ABR: variants seen among roughly 807,000 people sequenced by gnomAD.
ABR encodes active breakpoint cluster region-related protein.
Under a neutral mutation model 107.2 loss-of-function variants are expected in ABR, and 35 were observed. The observed-to-expected ratio is 0.33, with a 90% CI of 0.25 to 0.43. The LOEUF (loss-of-function observed/expected upper bound fraction) is 0.43, where lower values mean the gene tolerates loss of function less well. Ranked by LOEUF, ABR falls within the 20% of genes least tolerant of loss-of-function variation. ABR has a pLI of 1.00. For missense variants in ABR, 815 were observed against 1,115.2 expected (o/e 0.73, Z 3.83); for synonymous variants, 498 against 462.0 (o/e 1.08, Z -1.00).
chr17:1,049,730 G>A (rs914770086), intron 16 of ABR, among the ~76,000 whole-genome samples: 1 of 152,226 alleles, frequency 6.6e-6, no homozygotes, highest in Non-Finnish European at 1.5e-5. Context: ...CACCGACGCA[G>A]CCTCTGAGTC....
At chr17:1,129,406 C>T (rs2039730620) in intron 1 of ABR, among the ~76,000 whole-genome samples, 1 of 151,758 alleles carries the variant, frequency 6.6e-6, no homozygotes, top group Non-Finnish European at 1.5e-5. Flanking sequence ...GTGGTTGGCG[C>T]CTGTTGTCCC....
At chr17:1,167,104 C>T (rs10902642) in intron 1 of ABR, among the ~76,000 whole-genome samples, 54,598 of 151,892 alleles carry the variant, frequency 0.36, 11,981 homozygotes, top group Non-Finnish European at 0.49. Context: ...TGGGGGACCC[C>T]GTGATACCCC....
chr17:1,125,046 G>C (rs527515872), intron 2 of ABR, 137 bp downstream of exon 2: 13 of 851,538 alleles, frequency 1.5e-5, no homozygotes, highest in Non-Finnish European at 2.3e-5. Flanking sequence ...ACGAGATGAC[G>C]AGGCACCAAG....
At chr17:1,173,215 TCCACTCAACACATCACCTCAGC>T (rs2041800521) in intron 1 of ABR, among the ~76,000 whole-genome samples, 1 of 25,292 alleles carries the variant, frequency 4.0e-5, no homozygotes. Context: ...ATCACCTCAG[TCCACTCAACACATCACCTCAGC>T]CCACCCAACA....
chr17:1,011,218 T>C lies in ABR; in HGVS notation c.2102-355A>G, dbSNP rs2070509829. 2 of 272,872 alleles carry C rather than the reference T, an allele frequency of 7.3e-6. No homozygotes were observed. The highest frequency in any genetic ancestry group is 4.3e-5 in the South Asian group (1 of 23,024). The allele number at this position is 272,872 out of a possible 1,614,324, so 16.9% of individuals were successfully genotyped here. On this transcript the variant is annotated intron_variant, in intron 19 of 22. Transcript: ENST00000302538. This position sits in a 1 kb window ranked among gnomAD's most constrained non-coding sequence, Gnocchi z 4.8. Reference sequence around the variant, plus strand: ...CCCTCTCTGGAAGGCATTGCACACTTTTCACACGTAAAAGCATGTTCCGAC... The same window carrying C: ...CCCTCTCTGGAAGGCATTGCACACTCTTCACACGTAAAAGCATGTTCCGAC...
At chr17:1,110,903 G>A (rs184693882) in intron 2 of ABR, among the ~76,000 whole-genome samples, 12 of 152,290 alleles carry the variant, frequency 7.9e-5, no homozygotes, top group Admixed American at 1.3e-4. Context: ...TAGCCAGGGC[G>A]CATCTGAAGG....
intron 1 of ABR, among the ~76,000 whole-genome samples, chr17:1,131,247 G>C (rs1349751627): frequency 3.1e-5 from 2 of 64,106 alleles, no homozygotes; most frequent in East Asian, 1.2e-3. Flanking sequence ...CAAATGCAGT[G>C]CCTGCCACGC....
At chr17:1,069,919 G>A (rs2035087116) in intron 9 of ABR, 50 bp downstream of exon 9, 1 of 815,022 alleles carries the variant, frequency 1.2e-6, no homozygotes, top group African/African-American at 2.8e-5. Flanking sequence ...TCACCCCGCA[G>A]AGGTCCGGAC....
At chr17:1,009,641 G>A (rs1439608059) in intron 21 of ABR, 38 bp downstream of exon 21, 2 of 1,559,794 alleles carry the variant, frequency 1.3e-6, no homozygotes, top group East Asian at 2.2e-5. Context: ...TTCATGAGGA[G>A]GGACTGAGGA....
intron 1 of ABR, among the ~76,000 whole-genome samples, chr17:1,218,798 G>T (rs1194181682): frequency 6.6e-6 from 1 of 152,100 alleles, no homozygotes; most frequent in Non-Finnish European, 1.5e-5. Context: ...ACCAAGATGG[G>T]CCCCCAAGTC....
chr17:1,080,680 G>C (rs1021164044), intron 5 of ABR, among the ~76,000 whole-genome samples: 8 of 142,704 alleles, frequency 5.6e-5, no homozygotes, highest in African/African-American at 1.8e-4. Flanking sequence ...CAGACAGCAG[G>C]AACTTCCTAC....
Position 1,157,166 on chromosome 17 carries a change from T to C in ABR, c.61+22501A>G, listed in dbSNP as rs2041076106. On this transcript the variant is annotated intron_variant, in intron 1 of 22. Transcript: ENST00000302538. This position sits in a 1 kb window ranked among gnomAD's most constrained non-coding sequence, Gnocchi z 4.7. ...GGCCCAAGGTCACACAGCTGCTGAG[T>C]GGCAAAGCTTGGAACCCGGGCAGTC... 6.6e-6 allele frequency among the ~76,000 whole-genome samples: 1 copy of C among 151,652 alleles called. No homozygotes were observed. Among genetic ancestry groups the C allele is most frequent in the South Asian group, 2.1e-4 (1 of 4,808 alleles).
At chr17:1,095,098 C>G (rs1269421199) in intron 3 of ABR, among the ~76,000 whole-genome samples, 8 of 152,188 alleles carry the variant, frequency 5.3e-5, no homozygotes, top group African/African-American at 1.9e-4. Context: ...AATTCTTGTC[C>G]CCGCCTTGGC....
chr17:1,095,101 G>T (rs762715046), intron 3 of ABR, among the ~76,000 whole-genome samples: 1 of 152,174 alleles, frequency 6.6e-6, no homozygotes. Context: ...TCTTGTCCCC[G>T]CCTTGGCGCA....
At chr17:1,140,096 G>A (rs1365910789) in intron 1 of ABR, among the ~76,000 whole-genome samples, 1 of 152,212 alleles carries the variant, frequency 6.6e-6, no homozygotes, top group Non-Finnish European at 1.5e-5. Flanking sequence ...GGAAAACGAA[G>A]CTGACTGTGG....
At chr17:1,057,155 G>C (rs531455538) in intron 12 of ABR, 53 bp from the exon 13 acceptor site, 10 of 1,265,874 alleles carry the variant, frequency 7.9e-6, no homozygotes, top group Non-Finnish European at 1.1e-5. Context: ...CACCAGGACC[G>C]GCTGCTCTTC....
chr17:1,012,534 C>T (rs756015307), intron 18 of ABR, 154 bp downstream of exon 18: 23 of 708,038 alleles, frequency 3.2e-5, no homozygotes, highest in African/African-American at 8.8e-5. Flanking sequence ...GCCTCTGCGG[C>T]CACTCTAGAT....
intron 1 of ABR, among the ~76,000 whole-genome samples, chr17:1,223,335 G>C (rs1039560187): frequency 2.7e-5 from 2 of 74,754 alleles, no homozygotes; most frequent in Admixed American, 2.2e-4. Flanking sequence ...ACAGAGACAC[G>C]AATACCCTCC....
intron 1 of ABR, among the ~76,000 whole-genome samples, chr17:1,144,770 T>C (rs957081283): frequency 1.3e-5 from 2 of 151,976 alleles, no homozygotes; most frequent in Non-Finnish European, 2.9e-5. Context: ...GGCTTCTGCC[T>C]GTAATCCCAG....
Sources: allele counts gnomAD v4.1 joint callset (sites outside exome capture counted in the v4.1 genomes callset), GRCh38; gene constraint gnomAD v4.1.1; non-coding constraint Gnocchi (gnomAD v3.1); transcripts MANE v1.5; gene names NCBI Gene and HGNC (gene_info 2026-07-23, HGNC 2026-07-21).